Variants in DCDC1 observed in about 807,000 individuals in gnomAD.
DCDC1 encodes the protein doublecortin domain containing 1, also known as doublecortin domain-containing protein 1.
In DCDC1, 200 loss-of-function variants were observed where a neutral mutation model predicts 178.3. The ratio of observed to expected loss-of-function variants is 1.12; its 90% CI spans 1.00 to 1.26. DCDC1 has a LOEUF of 1.26. Among genes scored for constraint, DCDC1 ranks in the 50% most tolerant of loss-of-function variants. The pLI is 0.00. For synonymous variants in DCDC1, 690 were observed against 604.8 expected (o/e 1.14, Z -2.07); for missense variants, 1,983 against 1,749.2 (o/e 1.13, Z -2.38).
rs1952918633 is a variant in DCDC1 at position 31,022,202 on chromosome 11, C to T, written c.2591+42267G>A. Among the ~76,000 whole-genome samples, 6 of 152,210 alleles carry T rather than the reference C, an allele frequency of 3.9e-5. No homozygotes were observed. The South Asian group carries it at 1.2e-3, about 32-fold the overall frequency. On this transcript the variant is annotated intron_variant, in intron 20 of 38. Coordinates refer to ENST00000684477, the MANE Select transcript of DCDC1 (RefSeq NM_001387274.1). ...ACGTGCCAGCAAGACCACAGTCTTTCTGAAACCTATAAGAGAGAATTCTTT... is the reference window on the plus strand; with the variant it reads ...ACGTGCCAGCAAGACCACAGTCTTTTTGAAACCTATAAGAGAGAATTCTTT...
intron 3 of DCDC1, among the ~76,000 whole-genome samples, chr11:31,322,947 G>A (rs543196241): frequency 3.6e-4 from 55 of 152,174 alleles, no homozygotes; most frequent in African/African-American, 1.2e-3. Context: ...CTGACAATCC[G>A]AATTACTTTT....
intron 20 of DCDC1, among the ~76,000 whole-genome samples, chr11:31,016,497 C>T (rs1029454312): frequency 6.6e-6 from 1 of 152,160 alleles, no homozygotes; most frequent in Non-Finnish European, 1.5e-5. Context: ...AAGTGAATCA[C>T]ATGAAGTGTT....
intron 9 of DCDC1, among the ~76,000 whole-genome samples, chr11:31,153,819 A>ACACACACACAC (rs1565356578): frequency 6.6e-5 from 3 of 45,776 alleles, no homozygotes; most frequent in African/African-American, 4.3e-4. Flanking sequence ...CACACACACA[A>ACACACACACAC]TTACCATAAC....
intron 9 of DCDC1, among the ~76,000 whole-genome samples, chr11:31,172,340 T>A (rs1234997369): frequency 6.6e-6 from 1 of 152,138 alleles, no homozygotes; most frequent in African/African-American, 2.4e-5. Flanking sequence ...GGGTCATATA[T>A]TAATTTTTAA....
intron 9 of DCDC1, among the ~76,000 whole-genome samples, chr11:31,237,364 T>TA (rs1976587724): frequency 6.6e-6 from 1 of 151,908 alleles, no homozygotes; most frequent in Admixed American, 6.6e-5. Flanking sequence ...GCAATATTGT[T>TA]ACAATTTAAA....
At chr11:31,311,342 C>T (rs2137656114) in intron 3 of DCDC1, among the ~76,000 whole-genome samples, 1 of 152,154 alleles carries the variant, frequency 6.6e-6, no homozygotes, top group Middle Eastern at 3.4e-3. Context: ...GCTGTCAGTG[C>T]CTTCCAAACA....
At chr11:30,912,243 T>C (rs1945494400) in intron 27 of DCDC1, among the ~76,000 whole-genome samples, 1 of 152,102 alleles carries the variant, frequency 6.6e-6, no homozygotes, top group Non-Finnish European at 1.5e-5. Flanking sequence ...CTGTAAGAAA[T>C]AAATTTCATT....
chr11:31,214,069 T>C (rs550627614), intron 9 of DCDC1, among the ~76,000 whole-genome samples: 3 of 152,196 alleles, frequency 2.0e-5, no homozygotes, highest in Admixed American at 6.5e-5. Flanking sequence ...TATAGGATAA[T>C]TGCTACATTT....
At chr11:31,211,019 A>C (rs1972468257) in intron 9 of DCDC1, among the ~76,000 whole-genome samples, 1 of 152,172 alleles carries the variant, frequency 6.6e-6, no homozygotes, top group African/African-American at 2.4e-5. Flanking sequence ...GCTATTTTGC[A>C]AGAGGCCAAA....
intron 6 of DCDC1, among the ~76,000 whole-genome samples, chr11:31,299,152 C>T (rs1156232714): frequency 6.6e-6 from 1 of 152,152 alleles, no homozygotes; most frequent in Non-Finnish European, 1.5e-5. Flanking sequence ...TCTAGTCACT[C>T]CCTTTTCTCT....
chr11:31,011,440 A>T lies in DCDC1; in HGVS notation c.2591+53029T>A, dbSNP rs2135119906. On this transcript the variant is annotated intron_variant, in intron 20 of 38. Coordinates refer to ENST00000684477, the MANE Select transcript of DCDC1 (RefSeq NM_001387274.1). The stretch of plus-strand genomic sequence containing the variant: ...CAATAAGAAAAAGACAAGCAATAGA[A>T]AATGGGTAAAAGATATGGATATGCA... Among the ~76,000 whole-genome samples, 2 of 152,356 alleles carry T rather than the reference A, an allele frequency of 1.3e-5. 1 individual carries two copies. Among genetic ancestry groups the T allele is most frequent in the South Asian group, 4.1e-4 (2 of 4,830 alleles).
chr11:31,270,641 G>A (rs1945485107), intron 7 of DCDC1, among the ~76,000 whole-genome samples: 1 of 152,130 alleles, frequency 6.6e-6, no homozygotes, highest in African/African-American at 2.4e-5. Flanking sequence ...GCGCTCTCAA[G>A]TGGTGAGAAT....
chr11:31,262,931 G>A, intron 8 of DCDC1: 1 of 1,037,248 alleles, frequency 9.6e-7, no homozygotes, highest in Non-Finnish European at 1.4e-6. Context: ...GCTGGCATAA[G>A]CTTTTATAAG....
Position 30,903,666 on chromosome 11 carries a change from C to T in DCDC1, c.4326G>A (p.Thr1442=), listed in dbSNP as rs761489354. The T allele has an allele frequency of 1.9e-5, 31 of 1,603,284 alleles. No individual in the cohort carries two copies. The Middle Eastern group carries it at 6.6e-4, about 34-fold the overall frequency. ...GTFPMLLTEC[T]EQLGLARAAS... ...CTGCTCTGGCAAGCCCAAGTTGTTC[C>T]GTGCATTCTGTAAGAAGCTAGATAA... The change falls in exon 32 of 39, where the codon ACG becomes ACA. Residue 1442 remains threonine (T), a synonymous_variant. Coordinates refer to ENST00000684477, the MANE Select transcript of DCDC1 (RefSeq NM_001387274.1).
At chr11:31,344,758 T>C (rs1415490571) in intron 1 of DCDC1, among the ~76,000 whole-genome samples, 2 of 152,196 alleles carry the variant, frequency 1.3e-5, no homozygotes, top group African/African-American at 4.8e-5. Flanking sequence ...TCTTGCCTTC[T>C]ATATATAGGC....
chr11:30,963,340 A>G (rs774782689), intron 20 of DCDC1, among the ~76,000 whole-genome samples: 1 of 152,140 alleles, frequency 6.6e-6, no homozygotes, highest in African/African-American at 2.4e-5. Flanking sequence ...AGTTATGTCA[A>G]CTAATTTTGC....
Position 30,864,725 on chromosome 11 carries a change from CA to C in DCDC1, c.*647del, listed in dbSNP as rs1940843278. Reference sequence around the variant, plus strand: ...GGCACTTATCATTTAGTTGGGGAGACAAAACATGCAGTCAGTGTATATGCTT... The same window carrying C: ...GGCACTTATCATTTAGTTGGGGAGACAAACATGCAGTCAGTGTATATGCTT... On this transcript the variant is annotated 3_prime_UTR_variant, in exon 39 of 39. Transcript: ENST00000684477. 1 of 150,030 alleles carries C rather than the reference CA, an allele frequency of 6.7e-6. No homozygotes were observed. Among genetic ancestry groups the C allele is most frequent in the Admixed American group, 6.7e-5 (1 of 14,824 alleles). The allele number at this position is 150,030 out of a possible 1,614,324, so 9.3% of individuals were successfully genotyped here. A position where few individuals can be genotyped will look rare whatever the true frequency, so the allele number is the denominator to read the frequency against.
Position 30,920,925 on chromosome 11 carries a change from T to TA in DCDC1, c.3143dup (p.Leu1048PhefsTer6). On this transcript the variant is annotated frameshift_variant, in exon 25 of 39. Coordinates refer to ENST00000684477, the MANE Select transcript of DCDC1 (RefSeq NM_001387274.1). LOFTEE classifies it high-confidence loss of function. ...CAGATACAATGTCACTTTGGACTTCTAAAACAAGAGCTGAGCAGAAATTCA... is the reference window on the plus strand; with the variant it reads ...CAGATACAATGTCACTTTGGACTTCTAAAAACAAGAGCTGAGCAGAAATTCA... 1 of 1,610,818 alleles carries TA rather than the reference T, an allele frequency of 6.2e-7. No individual in the cohort carries two copies. Among genetic ancestry groups the TA allele is most frequent in the Non-Finnish European group, 8.5e-7 (1 of 1,178,336 alleles).
chr11:31,325,112 A>C (rs1370631520), intron 3 of DCDC1, among the ~76,000 whole-genome samples: 1 of 152,168 alleles, frequency 6.6e-6, no homozygotes, highest in Non-Finnish European at 1.5e-5. Context: ...AACATATTTT[A>C]CATTGAGATG....
Sources: gnomAD v4.1 joint callset for allele counts (sites outside exome capture counted in the v4.1 genomes callset) on GRCh38, gnomAD v4.1.1 for gene constraint, MANE v1.5 for transcripts, NCBI Gene and HGNC (gene_info 2026-07-23, HGNC 2026-07-21) for gene names.